EPHB1: variants seen among roughly 807,000 people sequenced by gnomAD.
The protein encoded by EPHB1 is EPH receptor B1, also known as ephrin type-B receptor 1.
In EPHB1, 30 loss-of-function variants were observed where a neutral mutation model predicts 94.4. The ratio of observed to expected loss-of-function variants is 0.32; its 90% CI spans 0.24 to 0.43. The LOEUF is 0.43. Among genes scored for constraint, EPHB1 ranks in the 20% least tolerant of loss-of-function variants. EPHB1 has a pLI of 1.00. For missense variants in EPHB1, 1,055 were observed against 1,308.3 expected, an observed-to-expected ratio of 0.81 and a Z score of 2.99; for synonymous variants, 522 against 489.1, an observed-to-expected ratio of 1.07 and a Z score of -0.89.
At chr3:135,013,331 A>T (rs968317628) in intron 3 of EPHB1, among the ~76,000 whole-genome samples, 1 of 152,238 alleles carries the variant, frequency 6.6e-6, no homozygotes, top group Non-Finnish European at 1.5e-5. Flanking sequence ...CCAACTCTGC[A>T]GTGCCCACAT....
intron 5 of EPHB1, among the ~76,000 whole-genome samples, chr3:135,141,383 C>T (rs1940821811): frequency 6.6e-6 from 1 of 152,140 alleles, no homozygotes; most frequent in South Asian, 2.1e-4. Context: ...AGACTGAGGG[C>T]TCCCAAGGGA....
chr3:134,934,855 G>A (rs1257199533), intron 2 of EPHB1, among the ~76,000 whole-genome samples: 1 of 152,176 alleles, frequency 6.6e-6, no homozygotes, highest in Non-Finnish European at 1.5e-5. Flanking sequence ...TTCATCAACA[G>A]AGCAGAGACA....
At chr3:135,225,676 A>G (rs1943378155) in intron 12 of EPHB1, among the ~76,000 whole-genome samples, 1 of 151,966 alleles carries the variant, frequency 6.6e-6, no homozygotes, top group Non-Finnish European at 1.5e-5. Flanking sequence ...CAAGTTTAGG[A>G]AGGCCACACC....
At chr3:134,803,528 G>A (rs1255479010) in intron 1 of EPHB1, among the ~76,000 whole-genome samples, 1 of 152,142 alleles carries the variant, frequency 6.6e-6, no homozygotes, top group African/African-American at 2.4e-5. Context: ...TTAGGGAAGG[G>A]AAAAAACTTT....
rs1368994484 is a variant in EPHB1 at position 134,925,864 on chromosome 3, C to G, written c.107C>G (p.Ala36Gly). 6.2e-7 allele frequency: 1 copy of G among 1,604,856 alleles called. No individual in the cohort carries two copies. ...RTATAELGWT[A>G]NPASGWEEVS... ...GCTACTGCAGAGCTGGGCTGGACGGCCAATCCTGCGTCCGGGGTGAGTATC... is the reference window on the plus strand; with the variant it reads ...GCTACTGCAGAGCTGGGCTGGACGGGCAATCCTGCGTCCGGGGTGAGTATC... The change falls in exon 2 of 16, where the codon GCC (alanine) becomes GGC (glycine). Residue 36 changes from alanine (A) to glycine (G), a missense_variant. Coordinates refer to ENST00000398015, the MANE Select transcript of EPHB1 (RefSeq NM_004441.5).
At chr3:135,228,593 G>GT (rs1559882927) in intron 12 of EPHB1, among the ~76,000 whole-genome samples, 1 of 152,096 alleles carries the variant, frequency 6.6e-6, no homozygotes, top group Non-Finnish European at 1.5e-5. Flanking sequence ...AAGCATCAAT[G>GT]TTTTTTCCCA....
At chr3:135,107,253 A>C (rs1324544651) in intron 4 of EPHB1, among the ~76,000 whole-genome samples, 1 of 152,202 alleles carries the variant, frequency 6.6e-6, no homozygotes, top group African/African-American at 2.4e-5. Context: ...TCACTCTCCC[A>C]TTATATAATA....
At chr3:134,822,593 A>G (rs1405015153) in intron 1 of EPHB1, among the ~76,000 whole-genome samples, 1 of 152,138 alleles carries the variant, frequency 6.6e-6, no homozygotes, top group East Asian at 1.9e-4. Flanking sequence ...GTTCTGTTCT[A>G]TTGGTGAGCA....
intron 1 of EPHB1, among the ~76,000 whole-genome samples, chr3:134,904,901 T>C (rs2038287043): frequency 6.6e-6 from 1 of 152,254 alleles, no homozygotes; most frequent in East Asian, 1.9e-4. Flanking sequence ...GCTCTTTTAC[T>C]TCTCTGCTTT....
At chr3:134,903,014 A>T (rs950938177) in intron 1 of EPHB1, among the ~76,000 whole-genome samples, 17 of 152,168 alleles carry the variant, frequency 1.1e-4, no homozygotes, top group African/African-American at 3.4e-4. Flanking sequence ...CACCCTGGCC[A>T]CCCTTCCGCA....
intron 3 of EPHB1, among the ~76,000 whole-genome samples, chr3:135,005,939 G>A (rs1935392051): frequency 6.6e-6 from 1 of 152,212 alleles, no homozygotes; most frequent in Non-Finnish European, 1.5e-5. Flanking sequence ...CAGGCTGGGA[G>A]CTGTAGACCG....
At chr3:134,987,966 C>G (rs2107736597) in intron 3 of EPHB1, among the ~76,000 whole-genome samples, 1 of 152,268 alleles carries the variant, frequency 6.6e-6, no homozygotes, top group South Asian at 2.1e-4. Context: ...GCAGCCTAAG[C>G]AGACTATACA....
At chr3:134,811,242 G>GTTTTTTTTGTTTTTT (rs2036169031) in intron 1 of EPHB1, among the ~76,000 whole-genome samples, 1 of 73,850 alleles carries the variant, frequency 1.4e-5, no homozygotes, top group Non-Finnish European at 2.7e-5. Context: ...TACTAAGAAG[G>GTTTTTTTTGTTTTTT]TTTTTTTTTT....
intron 3 of EPHB1, among the ~76,000 whole-genome samples, chr3:135,104,746 A>G (rs1040156792): frequency 2.1e-4 from 32 of 152,346 alleles, no homozygotes; most frequent in African/African-American, 7.5e-4. Flanking sequence ...ATCCCATGGG[A>G]CACATTTGGG....
At chr3:134,815,577 G>C (rs888675166) in intron 1 of EPHB1, among the ~76,000 whole-genome samples, 2 of 152,098 alleles carry the variant, frequency 1.3e-5, no homozygotes, top group Non-Finnish European at 2.9e-5. Context: ...TTGTGTGATT[G>C]CTATTTCTTT....
intron 3 of EPHB1, among the ~76,000 whole-genome samples, chr3:135,053,055 A>ATATATATATATATATATAT (rs1360770430): frequency 7.4e-5 from 10 of 135,684 alleles, no homozygotes; most frequent in South Asian, 6.9e-4. Flanking sequence ...ATATATATAT[A>ATATATATATATATATATAT]AAGTTGGTGT....
At chr3:135,074,909 A>G (rs1219997835) in intron 3 of EPHB1, among the ~76,000 whole-genome samples, 1 of 152,242 alleles carries the variant, frequency 6.6e-6, no homozygotes, top group Non-Finnish European at 1.5e-5. Context: ...TGAGACCCAC[A>G]GGCCAGGGTG....
intron 3 of EPHB1, among the ~76,000 whole-genome samples, chr3:135,097,587 G>C (rs1260544150): frequency 6.6e-6 from 1 of 152,168 alleles, no homozygotes; most frequent in East Asian, 1.9e-4. Context: ...ATGCATTCTA[G>C]GCTTGCTACT....
At chr3:134,999,614 A>G (rs978892185) in intron 3 of EPHB1, among the ~76,000 whole-genome samples, 1 of 152,214 alleles carries the variant, frequency 6.6e-6, no homozygotes, top group Non-Finnish European at 1.5e-5. Flanking sequence ...TAAAGGAGGA[A>G]GGATCATCTT....
Sources: allele counts gnomAD v4.1 joint callset (sites outside exome capture counted in the v4.1 genomes callset), GRCh38; gene constraint gnomAD v4.1.1; transcripts MANE v1.5; gene names NCBI Gene and HGNC (gene_info 2026-07-23, HGNC 2026-07-21).